TMC1: variants seen among roughly 807,000 people sequenced by gnomAD.
TMC1 encodes transmembrane channel-like protein 1.
A neutral mutation model predicts 105.8 loss-of-function variants in TMC1; 84 were observed. The observed-to-expected ratio is 0.79, with a 90% CI of 0.67 to 0.95. The LOEUF (loss-of-function observed/expected upper bound fraction) is 0.95, where lower values mean the gene tolerates loss of function less well. Ranked by LOEUF, TMC1 falls within the 40% of genes least tolerant of loss-of-function variation. The pLI is 0.00. For synonymous variants in TMC1, 315 were observed against 311.5 expected (o/e 1.01, Z -0.12); for missense variants, 817 against 914.1 (o/e 0.89, Z 1.37).
chr9:72,696,686 TA>T (rs1588036622), intron 7 of TMC1, among the ~76,000 whole-genome samples: 1 of 152,116 alleles, frequency 6.6e-6, no homozygotes, highest in African/African-American at 2.4e-5. Flanking sequence ...TGGAGGCAGT[TA>T]AAAAAACACT....
chr9:72,554,622 A>G (rs193300043), intron 1 of TMC1, among the ~76,000 whole-genome samples: 2 of 152,220 alleles, frequency 1.3e-5, no homozygotes, highest in African/African-American at 4.8e-5. Flanking sequence ...GAATAGTTTC[A>G]GCAGTGAAAG....
At chr9:72,565,356 A>G (rs1225287319) in intron 1 of TMC1, among the ~76,000 whole-genome samples, 1 of 151,724 alleles carries the variant, frequency 6.6e-6, no homozygotes, top group Non-Finnish European at 1.5e-5. Context: ...GGAAGTAATT[A>G]TGAAGAGGTG....
intron 5 of TMC1, among the ~76,000 whole-genome samples, chr9:72,672,408 A>G (rs1826137898): frequency 6.6e-6 from 1 of 152,184 alleles, no homozygotes; most frequent in Admixed American, 6.5e-5. Context: ...TGGTAAGAGA[A>G]TAAACTCATC....
At chr9:72,706,775 TTTC>T (rs1396170953) in intron 8 of TMC1, among the ~76,000 whole-genome samples, 1 of 148,154 alleles carries the variant, frequency 6.7e-6, no homozygotes, top group Non-Finnish European at 1.5e-5. Flanking sequence ...TTTTTCTTTC[TTTC>T]TTTTTTTTTT....
chr9:72,771,767 G>A (rs140613488), intron 12 of TMC1, among the ~76,000 whole-genome samples: 2 of 152,126 alleles, frequency 1.3e-5, no homozygotes, highest in African/African-American at 4.8e-5. Context: ...TAAAGAGGGA[G>A]TTATTCAGGT....
rs146170244 is a variant in TMC1, at chr9:72,742,627, GAAACAAAC to G, written c.535+118_535+125del. On this transcript the variant is annotated intron_variant, in intron 10 of 23. Coordinates refer to ENST00000297784, the MANE Select transcript of TMC1 (RefSeq NM_138691.3). The stretch of plus-strand genomic sequence containing the variant: ...AGTTTCTGGACTTTTGGGAAGACTA[GAAACAAAC>G]AAACAAACAAACAAAAACCAAATCA... 202,595 of 977,344 alleles carry G rather than the reference GAAACAAAC, an allele frequency of 0.21. 23,547 individuals carry two copies. The highest frequency in any genetic ancestry group is 0.39 in the East Asian group (15,671 of 39,738). The allele number at this position is 977,344 out of a possible 1,614,324, so 60.5% of individuals were successfully genotyped here. A position where few individuals can be genotyped will look rare whatever the true frequency, so the allele number is the denominator to read the frequency against.
chr9:72,816,209 T>A lies in TMC1; in HGVS notation c.1762T>A (p.Trp588Arg). The A allele has an allele frequency of 6.2e-7, 1 of 1,613,494 alleles. No homozygotes were observed. The highest frequency in any genetic ancestry group is 2.2e-5 in the East Asian group (1 of 44,880). ...TCTGATCTTCAACCAAGGCATGATC[T>A]GGTAGGCCAGCTGTTGGACAGCTTA... ...LALIFNQGMI[W>R]MGSFFAPSLP... is the part of the protein sequence containing the mutation. Residue 588 changes from tryptophan (W) to arginine (R), a missense_variant and splice_region_variant, in exon 19 of 24, where the codon TGG becomes AGG. Physicochemically the swap from Trp to Arg is moderately radical, Grantham distance 101. Transcript: ENST00000297784.
chr9:72,524,269 C>T (rs1823365025), intron 1 of TMC1, among the ~76,000 whole-genome samples: 1 of 151,972 alleles, frequency 6.6e-6, no homozygotes, highest in Admixed American at 6.6e-5. Flanking sequence ...TTTATTCTGC[C>T]CAAACGTCTC....
At chr9:72,558,702 A>C (rs1043219979) in intron 1 of TMC1, among the ~76,000 whole-genome samples, 8 of 152,184 alleles carry the variant, frequency 5.3e-5, no homozygotes, top group Non-Finnish European at 1.0e-4. Context: ...ATGCTTTTAC[A>C]TGCTTGTCAG....
chr9:72,704,111 T>C (rs1032609322), intron 8 of TMC1, among the ~76,000 whole-genome samples: 11 of 152,194 alleles, frequency 7.2e-5, no homozygotes, highest in Admixed American at 5.9e-4. Context: ...CAGCTTTCCC[T>C]CTACCCTTTA....
chr9:72,621,961 T>C (rs1377806047), intron 3 of TMC1, among the ~76,000 whole-genome samples: 1 of 152,210 alleles, frequency 6.6e-6, no homozygotes, highest in East Asian at 1.9e-4. Flanking sequence ...AATAAAAATT[T>C]GCAAGGTGGC....
At chr9:72,594,148 GT>G (rs1391999424) in intron 2 of TMC1, among the ~76,000 whole-genome samples, 1 of 152,170 alleles carries the variant, frequency 6.6e-6, no homozygotes, top group Admixed American at 6.6e-5. Flanking sequence ...AAATATATGA[GT>G]TTTATTGATT....
chr9:72,563,769 G>A (rs893053587), intron 1 of TMC1, among the ~76,000 whole-genome samples: 1 of 151,650 alleles, frequency 6.6e-6, no homozygotes, highest in Admixed American at 6.6e-5. Context: ...GCATGGTGGC[G>A]GGTGCCTGTA....
At chr9:72,801,953 A>T (rs1828479957) in intron 17 of TMC1, among the ~76,000 whole-genome samples, 1 of 152,192 alleles carries the variant, frequency 6.6e-6, no homozygotes, top group Non-Finnish European at 1.5e-5. Flanking sequence ...TGGGATGAGG[A>T]TGCTTAAGAG....
chr9:72,739,988 C>A, intron 8 of TMC1, 131 bp from the exon 9 acceptor site: 1 of 690,644 alleles, frequency 1.4e-6, no homozygotes, highest in Non-Finnish European at 2.5e-6. Flanking sequence ...GAAATACAGT[C>A]TAGGTTCACC....
intron 7 of TMC1, among the ~76,000 whole-genome samples, chr9:72,699,575 C>T (rs1174264549): frequency 6.6e-6 from 1 of 152,030 alleles, no homozygotes; most frequent in African/African-American, 2.4e-5. Context: ...TTCAAGGGAA[C>T]AAAGAAGAGA....
At chr9:72,791,295 A>G (rs1374391308) in intron 15 of TMC1, among the ~76,000 whole-genome samples, 1 of 151,516 alleles carries the variant, frequency 6.6e-6, no homozygotes, top group Admixed American at 6.6e-5. Flanking sequence ...CCATAACATT[A>G]TGTCATGTGT....
rs765588386 is a variant in TMC1, at chr9:72,830,615, A to G, written c.2209-16A>G. On this transcript the variant is annotated splice_polypyrimidine_tract_variant and intron_variant, in intron 22 of 23. Coordinates refer to ENST00000297784, the MANE Select transcript of TMC1 (RefSeq NM_138691.3). ...CTGAGAAATCTACTTTTTTCCCCTT[A>G]TTTTTTATTGTGTAGCAAGCTTTGG... 1.9e-6 allele frequency: 3 copies of G among 1,613,148 alleles called. No individual in the cohort carries two copies. The South Asian group carries it at 3.3e-5, about 18-fold the overall frequency.
intron 4 of TMC1, among the ~76,000 whole-genome samples, chr9:72,646,824 T>C (rs1313416206): frequency 2.6e-5 from 4 of 152,056 alleles, no homozygotes; most frequent in Non-Finnish European, 5.9e-5. Context: ...AAAACAGTTC[T>C]TTATTTTTGA....
Sources: gnomAD v4.1 joint callset for allele counts (sites outside exome capture counted in the v4.1 genomes callset) on GRCh38, gnomAD v4.1.1 for gene constraint, MANE v1.5 for transcripts, NCBI Gene and HGNC (gene_info 2026-07-23, HGNC 2026-07-21) for gene names.